Variants in HECA observed in about 807,000 individuals in gnomAD.
HECA encodes the protein headcase protein homolog.
Under a neutral mutation model 37.6 loss-of-function variants are expected in HECA, and 13 were observed. The ratio of observed to expected loss-of-function variants is 0.35; its 90% CI spans 0.23 to 0.55. The LOEUF is 0.55. HECA is among the 20% of genes least tolerant of loss of function. HECA has a pLI of 0.90. For synonymous variants in HECA, 307 were observed against 291.5 expected (o/e 1.05, Z -0.54); for missense variants, 527 against 701.9 (o/e 0.75, Z 2.82).
chr6:139,143,717 T>G (rs9484238), intron 1 of HECA, among the ~76,000 whole-genome samples: 101,587 of 151,750 alleles, frequency 0.67, 34,972 homozygotes, highest in African/African-American at 0.79. Flanking sequence ...AATAATTAGC[T>G]GGATGTGGTG....
rs1436611663 is a variant in HECA, at chr6:139,178,594, G to A, written c.*1489G>A. ...TCAGTTCTTTTTTTCTTTTTTTTGA[G>A]ATGGAGTCTCACTCTTGTCACCCAG... On this transcript the variant is annotated 3_prime_UTR_variant, in exon 4 of 4. Coordinates refer to ENST00000367658, the MANE Select transcript of HECA (RefSeq NM_016217.3). 2.7e-5 allele frequency: 2 copies of A among 75,138 alleles called. No individual in the cohort carries two copies. Among genetic ancestry groups the A allele is most frequent in the Non-Finnish European group, 5.1e-5 (2 of 39,386 alleles). 4.7% of individuals were successfully genotyped at this position (75,138 alleles called of 1,614,324 possible).
intron 1 of HECA, among the ~76,000 whole-genome samples, chr6:139,141,754 T>C (rs1424320363): frequency 7.8e-5 from 3 of 38,468 alleles, no homozygotes; most frequent in Non-Finnish European, 2.3e-4. Context: ...AAACACCTTC[T>C]TTTTTTTTTT....
chr6:139,135,520 G>T lies in HECA; in HGVS notation c.124G>T (p.Gly42Trp). The change falls in exon 1 of 4, where the codon GGG becomes TGG. Residue 42 changes from glycine to tryptophan, a missense_variant. Gly to Trp is a radical substitution (Grantham distance 184, BLOSUM62 -2). This residue lies in a region of HECA where 172 missense variants were observed against 197.6 expected (regional missense o/e 0.87). Transcript: ENST00000367658. ...GGGCGCGGCGGGAGCGGCGGCCGGG[G>T]GGGCCCTGGCGGCGGCGGCCGGTTG... ...AAGAAGAAAG[G>W]ALAAAAGCGA... 1 of 1,020,272 alleles carries T rather than the reference G, an allele frequency of 9.8e-7. No homozygotes were observed. The highest frequency in any genetic ancestry group is 4.3e-5 in the South Asian group (1 of 23,146). 63.2% of individuals were successfully genotyped at this position (1,020,272 alleles called of 1,614,324 possible).
intron 2 of HECA, among the ~76,000 whole-genome samples, chr6:139,169,013 A>G (rs1172963779): frequency 1.3e-5 from 2 of 152,088 alleles, no homozygotes; most frequent in South Asian, 2.1e-4. Flanking sequence ...ATATATCCCT[A>G]ATGTTCTGAA....
At chr6:139,174,627 G>A in intron 3 of HECA, 88 bp downstream of exon 3, 1 of 1,532,778 alleles carries the variant, frequency 6.5e-7, no homozygotes. Context: ...TGGCAATAAA[G>A]AAGAAATTCA....
intron 1 of HECA, among the ~76,000 whole-genome samples, chr6:139,149,625 T>G (rs3777677): frequency 0.67 from 101,650 of 151,968 alleles, 34,997 homozygotes; most frequent in African/African-American, 0.79. Context: ...TCTGCTGCTT[T>G]GGGGGGAGCC....
At chr6:139,142,173 G>A (rs555054893) in intron 1 of HECA, among the ~76,000 whole-genome samples, 1 of 152,004 alleles carries the variant, frequency 6.6e-6, no homozygotes, top group South Asian at 2.1e-4. Context: ...TGATCCACTC[G>A]CCTTGACCTC....
intron 1 of HECA, chr6:139,155,637 A>G (rs578165778): frequency 6.6e-6 from 1 of 152,180 alleles, no homozygotes; most frequent in East Asian, 1.9e-4. Context: ...CCATTTTATG[A>G]TAGTGTGATT....
chr6:139,152,397 T>TA, intron 1 of HECA, among the ~76,000 whole-genome samples: 1 of 141,046 alleles, frequency 7.1e-6, no homozygotes, highest in Non-Finnish European at 1.6e-5. Flanking sequence ...ACCCAAGTTG[T>TA]AAACTGTATT....
chr6:139,163,416 A>G (rs9484240), intron 1 of HECA, among the ~76,000 whole-genome samples: 107,483 of 150,588 alleles, frequency 0.71, 39,574 homozygotes, highest in African/African-American at 0.86. Flanking sequence ...GTGCAGTGGC[A>G]CAATCTCTAC....
intron 1 of HECA, among the ~76,000 whole-genome samples, chr6:139,149,118 A>G (rs1443665012): frequency 1.3e-5 from 2 of 152,190 alleles, no homozygotes; most frequent in Non-Finnish European, 1.5e-5. Context: ...TTACATGTGT[A>G]TATTAATAAA....
chr6:139,145,793 T>C (rs1774577752), intron 1 of HECA, among the ~76,000 whole-genome samples: 1 of 152,132 alleles, frequency 6.6e-6, no homozygotes. Context: ...AGTGGGCGTT[T>C]AGGAGAATAG....
At position 139,167,229 on chromosome 6, in the gene HECA, C is replaced by T. The variant is rs760161738; in HGVS notation, c.1217C>T (p.Pro406Leu). Reference protein sequence around the residue: ...VNCALCHRALPVFEQFPLVDG... With the variant: ...VNCALCHRALLVFEQFPLVDG... ...TGTGCCCTGTGCCACCGGGCGCTCCCGGTGTTCGAACAGTTCCCACTGGTG... is the reference window on the plus strand; with the variant it reads ...TGTGCCCTGTGCCACCGGGCGCTCCTGGTGTTCGAACAGTTCCCACTGGTG... Residue 406 changes from proline (P) to leucine (L), a missense_variant, in exon 2 of 4, where the codon CCG (proline) becomes CTG (leucine). By Grantham distance (98) the Pro-to-Leu change is moderately conservative. Transcript: ENST00000367658. The T allele has an allele frequency of 3.1e-6, 5 of 1,614,010 alleles. No individual in the cohort carries two copies. Among genetic ancestry groups the T allele is most frequent in the Non-Finnish European group, 4.2e-6 (5 of 1,179,998 alleles).
In HECA at chr6:139,167,096, A is replaced by T; in HGVS notation, c.1084A>T (p.Asn362Tyr). 6.2e-7 allele frequency: 1 copy of T among 1,614,192 alleles called. No homozygotes were observed. The highest frequency in any genetic ancestry group is 8.5e-7 in the Non-Finnish European group (1 of 1,180,032). Residue 362 changes from asparagine (N) to tyrosine (Y), a missense_variant, in exon 2 of 4, where the codon AAC becomes TAC. By Grantham distance (143) the Asn-to-Tyr change is moderately radical. Around this residue, in one of 4 missense-constraint regions of HECA, gnomAD observed 228 missense variants for 259.8 expected, o/e 0.88. Coordinates refer to ENST00000367658, the MANE Select transcript of HECA (RefSeq NM_016217.3). ...LLTHIPRHKL[N>Y]TFHVRMEDDA... ...CACTCACATCCCCAGGCATAAGCTGAACACTTTCCACGTGCGCATGGAAGA... is the reference window on the plus strand; with the variant it reads ...CACTCACATCCCCAGGCATAAGCTGTACACTTTCCACGTGCGCATGGAAGA...
intron 1 of HECA, among the ~76,000 whole-genome samples, chr6:139,150,889 T>G (rs1356802799): frequency 1.3e-5 from 2 of 152,238 alleles, no homozygotes; most frequent in Non-Finnish European, 2.9e-5. Flanking sequence ...GAAAATTTTA[T>G]GAAATACTCC....
intron 1 of HECA, among the ~76,000 whole-genome samples, chr6:139,136,930 A>G (rs1432797739): frequency 6.6e-6 from 1 of 152,174 alleles, no homozygotes; most frequent in Non-Finnish European, 1.5e-5. Context: ...CACCACGCCC[A>G]GCCAGATCAG....
Position 139,176,005 on chromosome 6 carries a change from A to G in HECA, c.1468-936A>G, listed in dbSNP as rs143886759. Among the ~76,000 whole-genome samples, 1 of 152,376 alleles carries G rather than the reference A, an allele frequency of 6.6e-6. No individual in the cohort carries two copies. Among genetic ancestry groups the G allele is most frequent in the East Asian group, 1.9e-4 (1 of 5,192 alleles). On this transcript the variant is annotated intron_variant, in intron 3 of 3. Transcript: ENST00000367658. The surrounding 1 kb of genome is among the most constrained non-coding windows in gnomAD (Gnocchi z 4.5). ...TGAATCAAGGGAAGTCTTCAATAAG[A>G]TGTAGCCAAAAATAAGCAATAATTG...
chr6:139,140,647 A>T (rs988498637), intron 1 of HECA, among the ~76,000 whole-genome samples: 1 of 152,246 alleles, frequency 6.6e-6, no homozygotes, highest in African/African-American at 2.4e-5. Flanking sequence ...AACGGGAGAT[A>T]AAACGGGAAA....
chr6:139,154,588 T>C (rs1774690901), intron 1 of HECA, among the ~76,000 whole-genome samples: 1 of 152,224 alleles, frequency 6.6e-6, no homozygotes, highest in South Asian at 2.1e-4. Flanking sequence ...AATCATGCAG[T>C]CTTATGCTTT....
Sources: gnomAD v4.1 joint callset for allele counts (sites outside exome capture counted in the v4.1 genomes callset) on GRCh38, gnomAD v4.1.1 for gene constraint, gnomAD v4.1.1 regional missense constraint, Gnocchi (gnomAD v3.1) non-coding constraint, MANE v1.5 for transcripts, NCBI Gene and HGNC (gene_info 2026-07-23, HGNC 2026-07-21) for gene names.